The following GLRA2 variants were observed in gnomAD, a reference collection of about 807,000 sequenced individuals.
The protein encoded by GLRA2 is glycine receptor alpha 2.
Under a neutral mutation model 31.6 loss-of-function variants are expected in GLRA2, and 11 were observed. The ratio of observed to expected loss-of-function variants is 0.35; its 90% confidence interval spans 0.22 to 0.58. GLRA2 has a LOEUF of 0.58. GLRA2 is among the 20% of genes least tolerant of loss of function. The pLI is 0.84. For synonymous variants in GLRA2, 132 were observed against 134.0 expected (o/e 0.99, Z 0.10); for missense variants, 212 against 351.8 (o/e 0.60, Z 3.18).
At chrX:14,681,350 T>C (rs1281255648) in intron 7 of GLRA2, among the ~76,000 whole-genome samples, 3 of 111,746 alleles carry the variant, frequency 2.7e-5, no homozygotes, top group Non-Finnish European at 5.6e-5. Flanking sequence ...CTTTCCTTCC[T>C]TGCTTTCTTC....
intron 7 of GLRA2, among the ~76,000 whole-genome samples, chrX:14,688,118 T>C (rs1287377421): frequency 9.0e-6 from 1 of 111,660 alleles, no homozygotes; most frequent in Non-Finnish European, 1.9e-5. Context: ...GAACAGTGAA[T>C]GTTGCTGAAC....
the GLRA2 span, among the ~76,000 whole-genome samples, chrX:14,450,431 A>G: frequency 9.0e-6 from 1 of 111,434 alleles, no homozygotes; most frequent in Non-Finnish European, 1.9e-5. Context: ...GGCGCCAGTA[A>G]TTGTAGGGGG....
chrX:14,674,894 T>C (rs961195476), intron 7 of GLRA2, among the ~76,000 whole-genome samples: 1 of 111,057 alleles, frequency 9.0e-6, no homozygotes, highest in Non-Finnish European at 1.9e-5. Flanking sequence ...GATCACCCAA[T>C]TGGGTCTTTT....
intron 8 of GLRA2, among the ~76,000 whole-genome samples, chrX:14,721,376 AC>A (rs1191573462): frequency 4.5e-5 from 5 of 111,471 alleles, no homozygotes; most frequent in African/African-American, 1.6e-4. Context: ...TATGTTAATT[AC>A]CTTGAGTTAA....
At chrX:14,687,107 C>T (rs778260300) in intron 7 of GLRA2, among the ~76,000 whole-genome samples, 6 of 112,058 alleles carry the variant, frequency 5.4e-5, no homozygotes, top group East Asian at 5.6e-4. Context: ...AAAATTCTTT[C>T]CTTTAAGAAT....
At chrX:14,682,651 A>T (rs924453076) in intron 7 of GLRA2, among the ~76,000 whole-genome samples, 2 of 109,799 alleles carry the variant, frequency 1.8e-5, no homozygotes, top group African/African-American at 6.7e-5. Context: ...GCTGCACCCG[A>T]TAACTCATCA....
At chrX:14,672,097 G>A (rs1325261745) in intron 7 of GLRA2, among the ~76,000 whole-genome samples, 1 of 112,314 alleles carries the variant, frequency 8.9e-6, no homozygotes, top group African/African-American at 3.2e-5. Flanking sequence ...AAGTGGGAGT[G>A]TGAGACCCCA....
At chrX:14,601,799 G>A (rs1451465611) in intron 4 of GLRA2, among the ~76,000 whole-genome samples, 1 of 111,217 alleles carries the variant, frequency 9.0e-6, no homozygotes, top group Non-Finnish European at 1.9e-5. Flanking sequence ...AAATGAAGCA[G>A]AGAAAGGAAA....
intron 7 of GLRA2, among the ~76,000 whole-genome samples, chrX:14,631,748 T>C (rs925327042): frequency 9.6e-6 from 1 of 104,392 alleles, no homozygotes; most frequent in African/African-American, 3.5e-5. Flanking sequence ...CATGCACTTA[T>C]CAGTACTTTG....
chrX:14,585,756 G>C (rs1466906504), intron 4 of GLRA2, among the ~76,000 whole-genome samples: 2 of 112,002 alleles, frequency 1.8e-5, no homozygotes, highest in Non-Finnish European at 3.8e-5. Flanking sequence ...CCTAAGAGGA[G>C]AAATGGGATA....
intron 2 of GLRA2, among the ~76,000 whole-genome samples, chrX:14,552,375 A>G (rs1045356510): frequency 7.1e-5 from 8 of 112,600 alleles, no homozygotes; most frequent in Non-Finnish European, 1.5e-4. Flanking sequence ...GTGCCCAACA[A>G]CATGTTAAGT....
intron 2 of GLRA2, among the ~76,000 whole-genome samples, chrX:14,562,279 GA>G: frequency 8.9e-6 from 1 of 112,060 alleles, no homozygotes; most frequent in Non-Finnish European, 1.9e-5. Context: ...ACAAAATCAA[GA>G]AAAAGGTAAC....
At chrX:14,708,829 G>A (rs1601871508) in intron 8 of GLRA2, among the ~76,000 whole-genome samples, 1 of 110,850 alleles carries the variant, frequency 9.0e-6, no homozygotes. Context: ...CCAGCTACTC[G>A]GGAAGCTGAG....
intron 7 of GLRA2, among the ~76,000 whole-genome samples, chrX:14,688,760 A>T (rs904846689): frequency 1.8e-5 from 2 of 109,494 alleles, no homozygotes; most frequent in East Asian, 5.8e-4. Context: ...GGGTGAGGCA[A>T]TGCCTCACCC....
At chrX:14,674,999 C>A (rs764615962) in intron 7 of GLRA2, among the ~76,000 whole-genome samples, 16 of 112,148 alleles carry the variant, frequency 1.4e-4, no homozygotes, top group Non-Finnish European at 1.9e-5. Flanking sequence ...ACATACATCA[C>A]TTGTTTTGTC....
intron 7 of GLRA2, among the ~76,000 whole-genome samples, chrX:14,679,832 C>A (rs2091181241): frequency 1.8e-5 from 2 of 112,021 alleles, no homozygotes. Context: ...TCATGTGGAA[C>A]CATCTACTTT....
At chrX:14,620,045 C>T (rs769187562) in intron 7 of GLRA2, among the ~76,000 whole-genome samples, 2 of 107,804 alleles carry the variant, frequency 1.9e-5, no homozygotes, top group Non-Finnish European at 3.8e-5. Flanking sequence ...GAGAATCCGG[C>T]TGCATATAGT....
chrX:14,460,983 C>T, the GLRA2 span, among the ~76,000 whole-genome samples: 445 of 111,510 alleles, frequency 4.0e-3, 1 homozygote, highest in Non-Finnish European at 6.2e-3. Flanking sequence ...CCTGCTTTAT[C>T]GTGTGGGCAT....
At chrX:14,463,889 C>G in the GLRA2 span, among the ~76,000 whole-genome samples, 1 of 111,749 alleles carries the variant, frequency 8.9e-6, no homozygotes, top group East Asian at 2.8e-4. Flanking sequence ...ACTGTCCAAC[C>G]AGTCCCAATG....
Sources: gnomAD v4.1 joint callset for allele counts (sites outside exome capture counted in the v4.1 genomes callset) on GRCh38, gnomAD v4.1.1 for gene constraint, MANE v1.5 for transcripts, NCBI Gene and HGNC (gene_info 2026-07-23, HGNC 2026-07-21) for gene names.